The following PDS5B variants were observed in gnomAD, a reference collection of about 807,000 sequenced individuals.
The protein encoded by PDS5B is sister chromatid cohesion protein PDS5 homolog B.
Under a neutral mutation model 184.1 loss-of-function variants are expected in PDS5B, and 51 were observed. That is an observed-to-expected ratio of 0.28 (90% CI 0.22 to 0.35). The LOEUF (loss-of-function observed/expected upper bound fraction) is 0.35, where lower values mean the gene tolerates loss of function less well. PDS5B is among the 10% of genes least tolerant of loss of function. The pLI is 1.00. For missense variants in PDS5B, 1,180 were observed against 1,723.3 expected (o/e 0.68, Z 5.58); for synonymous variants, 566 against 569.2 (o/e 0.99, Z 0.08).
rs1433549589 is a variant in PDS5B at position 32,776,765 on chromosome 13, A to G, written c.*1713A>G. 4 of 152,528 alleles carry G rather than the reference A, an allele frequency of 2.6e-5. No individual in the cohort carries two copies. Among genetic ancestry groups the G allele is most frequent in the African/African-American group, 4.8e-5 (2 of 41,466 alleles). 9.4% of individuals were successfully genotyped at this position (152,528 alleles called of 1,614,324 possible). On this transcript the variant is annotated 3_prime_UTR_variant, in exon 35 of 35. Transcript: ENST00000315596. ...GAAAATGACATTTTACTATTTGCCA[A>G]TGTATATTGCAATTGATGTGATTAT... is the stretch of plus-strand genomic sequence containing the variant.
chr13:32,608,438 A>G (rs2058094210), intron 1 of PDS5B, among the ~76,000 whole-genome samples: 1 of 152,160 alleles, frequency 6.6e-6, no homozygotes, highest in South Asian at 2.1e-4. Context: ...AAGAAGCAAA[A>G]TTATTGTGTT....
chr13:32,678,589 A>G (rs1396251765), intron 9 of PDS5B, among the ~76,000 whole-genome samples: 2 of 152,212 alleles, frequency 1.3e-5, no homozygotes, highest in African/African-American at 4.8e-5. Context: ...CCAAATGTAT[A>G]TGGTTTATTC....
intron 1 of PDS5B, among the ~76,000 whole-genome samples, chr13:32,634,870 C>T (rs1261307608): frequency 6.6e-6 from 1 of 151,510 alleles, no homozygotes; most frequent in African/African-American, 2.4e-5. Flanking sequence ...CATGAGCCAC[C>T]GTGCCCAGCC....
Position 32,770,407 on chromosome 13 carries a change from A to C in PDS5B, c.3911A>C (p.Glu1304Ala), listed in dbSNP as rs781167583. The C allele has an allele frequency of 1.9e-6, 3 of 1,613,490 alleles. No homozygotes were observed. The highest frequency in any genetic ancestry group is 2.2e-5 in the East Asian group (1 of 44,864). ...PKPLGGGTPK[E>A]EPTMKTSKKG... The stretch of plus-strand genomic sequence containing the variant: ...CCTCTTGGTGGAGGTACACCAAAAG[A>C]AGAGCCAACAATGAAAACTTCTAAA... Residue 1304 changes from glutamate (E) to alanine (A), a missense_variant, in exon 32 of 35, where the codon GAA (glutamate) becomes GCA (alanine). Glu to Ala is a moderately radical substitution (Grantham distance 107). Coordinates refer to ENST00000315596, the MANE Select transcript of PDS5B (RefSeq NM_015032.4).
intron 19 of PDS5B, among the ~76,000 whole-genome samples, chr13:32,719,424 C>G (rs1276583109): frequency 6.6e-6 from 1 of 152,210 alleles, no homozygotes; most frequent in African/African-American, 2.4e-5. Context: ...CTCAGGTGAT[C>G]TGCCTAGCTT....
At chr13:32,640,820 C>T (rs1000487285) in intron 1 of PDS5B, among the ~76,000 whole-genome samples, 12 of 151,142 alleles carry the variant, frequency 7.9e-5, no homozygotes, top group Admixed American at 2.6e-4. Flanking sequence ...TTTGGGAGGC[C>T]GAGGCAGGCA....
chr13:32,769,365 T>C (rs1222340285), intron 31 of PDS5B, among the ~76,000 whole-genome samples: 3 of 152,222 alleles, frequency 2.0e-5, no homozygotes, highest in African/African-American at 2.4e-5. Flanking sequence ...TTTGAAAATA[T>C]AAATTGCGCA....
At chr13:32,738,472 G>C (rs1369180336) in intron 21 of PDS5B, among the ~76,000 whole-genome samples, 1 of 152,004 alleles carries the variant, frequency 6.6e-6, no homozygotes, top group African/African-American at 2.4e-5. Context: ...CACCATTCAT[G>C]TTGCCTACTT....
At chr13:32,717,460 G>A (rs1952496094) in intron 19 of PDS5B, among the ~76,000 whole-genome samples, 1 of 145,020 alleles carries the variant, frequency 6.9e-6, no homozygotes. Flanking sequence ...GGCGGTGCAA[G>A]ATGTGCTTTG....
chr13:32,734,015 A>ACACACACACACACACACAC (rs1555312887), intron 20 of PDS5B, among the ~76,000 whole-genome samples: 71 of 58,140 alleles, frequency 1.2e-3, no homozygotes, highest in African/African-American at 8.3e-3. Flanking sequence ...CACACACACA[A>ACACACACACACACACACAC]ACATATATTT....
chr13:32,676,450 C>A (rs1951065429), intron 9 of PDS5B, among the ~76,000 whole-genome samples: 1 of 152,054 alleles, frequency 6.6e-6, no homozygotes, highest in Non-Finnish European at 1.5e-5. Context: ...TGCATAAAAT[C>A]CCTGAAATGG....
At chr13:32,740,425 G>C (rs1366432561) in intron 21 of PDS5B, among the ~76,000 whole-genome samples, 3 of 152,124 alleles carry the variant, frequency 2.0e-5, no homozygotes, top group Admixed American at 6.6e-5. Context: ...TGTGTTTGAG[G>C]GAGTTTGCCT....
intron 1 of PDS5B, among the ~76,000 whole-genome samples, chr13:32,590,615 A>G (rs533644936): frequency 6.3e-4 from 96 of 152,304 alleles, no homozygotes; most frequent in African/African-American, 2.3e-3. Flanking sequence ...CTAGAAGAGG[A>G]TGGTTAGGGA....
At chr13:32,675,817 TA>T in intron 8 of PDS5B, 26 bp from the exon 9 acceptor site, 2 of 1,383,844 alleles carry the variant, frequency 1.4e-6, no homozygotes, top group Non-Finnish European at 2.1e-6. Context: ...TGCATGGTTT[TA>T]AAGCTGTGAT....
chr13:32,775,230 A>C lies in PDS5B; in HGVS notation c.*178A>C, dbSNP rs3493. 6 of 595,680 alleles carry C rather than the reference A, an allele frequency of 1.0e-5. No individual in the cohort carries two copies. In the Admixed American group the frequency reaches 1.5e-4, roughly 15 times the overall value. 36.9% of individuals were successfully genotyped at this position (595,680 alleles called of 1,614,324 possible). On this transcript the variant is annotated 3_prime_UTR_variant, in exon 35 of 35. Coordinates refer to ENST00000315596, the MANE Select transcript of PDS5B (RefSeq NM_015032.4). ...TTGTGGTCACATGCTTTAGCCATAC[A>C]CATGGTAACATTGACTATGGAGTCT... is the stretch of plus-strand genomic sequence containing the variant.
In PDS5B at chr13:32,770,762, G is replaced by T; in HGVS notation, c.4172+1G>T. On this transcript the variant is annotated splice_donor_variant, in intron 33 of 34. Coordinates refer to ENST00000315596, the MANE Select transcript of PDS5B (RefSeq NM_015032.4). LOFTEE classifies it high-confidence loss of function. ...CACCATCACAACCAAAAAAAAATGT[G>T]TAAGTTGTAAATATTACATTTCAAA... 6.3e-7 allele frequency: 1 copy of T among 1,590,176 alleles called. No individual in the cohort carries two copies.
chr13:32,645,287 A>G (rs1182546090), intron 1 of PDS5B, among the ~76,000 whole-genome samples: 1 of 152,144 alleles, frequency 6.6e-6, no homozygotes, highest in East Asian at 1.9e-4. Flanking sequence ...CTGGCCTCTG[A>G]TAGTTCTCAT....
At chr13:32,753,611 A>G (rs761865350) in intron 25 of PDS5B, 75 bp downstream of exon 25, 31 of 891,104 alleles carry the variant, frequency 3.5e-5, no homozygotes, top group East Asian at 5.3e-5. Flanking sequence ...AGCATGATAT[A>G]TGATATTACT....
At chr13:32,769,099 G>T (rs1480286212) in intron 31 of PDS5B, among the ~76,000 whole-genome samples, 1 of 151,852 alleles carries the variant, frequency 6.6e-6, no homozygotes, top group Non-Finnish European at 1.5e-5. Context: ...CTCCAGCCTG[G>T]GTGACAGAGT....
Sources: gnomAD v4.1 joint callset for allele counts (sites outside exome capture counted in the v4.1 genomes callset) on GRCh38, gnomAD v4.1.1 for gene constraint, MANE v1.5 for transcripts, NCBI Gene and HGNC (gene_info 2026-07-23, HGNC 2026-07-21) for gene names.